ESCO1: variants seen among roughly 807,000 people sequenced by gnomAD.
ESCO1 encodes establishment of sister chromatid cohesion N-acetyltransferase 1.
ESCO1 carries 33 observed loss-of-function variants against 83.5 expected under a neutral mutation model. The observed-to-expected ratio is 0.40, with a 90% CI of 0.30 to 0.53. ESCO1 has a LOEUF of 0.53. Ranked by LOEUF, ESCO1 falls within the 20% of genes least tolerant of loss-of-function variation. The pLI is 0.63. For synonymous variants in ESCO1, 332 were observed against 324.3 expected (o/e 1.02, Z -0.25); for missense variants, 855 against 968.0 (o/e 0.88, Z 1.55).
At position 21,542,129 on chromosome 18, in the gene ESCO1, G is replaced by T. The variant is rs375811578; in HGVS notation, c.1954-2120C>A. 1.3e-4 allele frequency among the ~76,000 whole-genome samples: 20 copies of T among 152,152 alleles called. 1 individual carries two copies. Among genetic ancestry groups the T allele is most frequent in the African/African-American group, 4.8e-4 (20 of 41,510 alleles). ...CTTTAAGAAGCAAAGGCTGCAAAAG[G>T]ATACTTAGTATTGCTTAGATTTCTA... On this transcript the variant is annotated intron_variant, in intron 8 of 11. Coordinates refer to ENST00000269214, the MANE Select transcript of ESCO1 (RefSeq NM_052911.3).
At chr18:21,561,216 T>A (rs1011593136) in intron 7 of ESCO1, among the ~76,000 whole-genome samples, 5 of 152,210 alleles carry the variant, frequency 3.3e-5, no homozygotes, top group South Asian at 2.1e-4. Context: ...AACAATTTTT[T>A]AAAAACTGAC....
At chr18:21,564,372 T>G (rs2038230466) in intron 6 of ESCO1, 55 bp from the exon 7 acceptor site, 1 of 1,157,948 alleles carries the variant, frequency 8.6e-7, no homozygotes, top group Non-Finnish European at 1.2e-6. Flanking sequence ...TCACATCATT[T>G]GAAGGGGAAA....
chr18:21,530,314 T>C lies in ESCO1; in HGVS notation c.*29A>G. 5.9e-6 allele frequency: 9 copies of C among 1,517,588 alleles called. No individual in the cohort carries two copies. Among genetic ancestry groups the C allele is most frequent in the Non-Finnish European group, 7.9e-6 (9 of 1,134,000 alleles). The allele number at this position is 1,517,588 out of a possible 1,614,324, so 94.0% of individuals were successfully genotyped here. On this transcript the variant is annotated 3_prime_UTR_variant, in exon 12 of 12. Transcript: ENST00000269214. ...ACCAATCCATTCTCTTCAATAGATGTCTTCTAGTGGTGTAGGCAAGAATTT... is the reference window on the plus strand; with the variant it reads ...ACCAATCCATTCTCTTCAATAGATGCCTTCTAGTGGTGTAGGCAAGAATTT...
At chr18:21,556,845 C>A (rs945882239) in intron 8 of ESCO1, among the ~76,000 whole-genome samples, 1 of 152,072 alleles carries the variant, frequency 6.6e-6, no homozygotes, top group Non-Finnish European at 1.5e-5. Flanking sequence ...GGATTACAGG[C>A]GCGTGCCACC....
At chr18:21,549,152 C>G (rs930163780) in intron 8 of ESCO1, among the ~76,000 whole-genome samples, 1 of 152,098 alleles carries the variant, frequency 6.6e-6, no homozygotes, top group Non-Finnish European at 1.5e-5. Context: ...AAACCCTGCT[C>G]TAATTTTTGA....
intron 8 of ESCO1, among the ~76,000 whole-genome samples, chr18:21,545,424 T>C (rs1424294917): frequency 1.4e-5 from 2 of 146,588 alleles, no homozygotes; most frequent in Non-Finnish European, 3.0e-5. Flanking sequence ...AATACAAAAA[T>C]TAGCCAGGCT....
chr18:21,591,850 G>C (rs1703850359), intron 1 of ESCO1, among the ~76,000 whole-genome samples: 1 of 151,504 alleles, frequency 6.6e-6, no homozygotes, highest in Admixed American at 6.6e-5. Flanking sequence ...GGGTACTTGA[G>C]ATTAGGGAGT....
chr18:21,595,759 C>G (rs991113638), intron 1 of ESCO1, among the ~76,000 whole-genome samples: 1 of 149,644 alleles, frequency 6.7e-6, no homozygotes, highest in African/African-American at 2.5e-5. Context: ...GTCAGGAGAT[C>G]GAGACCATCC....
chr18:21,573,458 T>C lies in ESCO1; in HGVS notation c.1386A>G (p.Glu462=), dbSNP rs1003442380. ...CTACTGTAATATCATTAATTTTCAC[T>C]TCTTCAGAATTAATTTCTTTCATTT... ...QEKMKEINSE[E]VKINDITVEI... The change falls in exon 4 of 12, where the codon GAA becomes GAG. Residue 462 remains glutamate (E), a synonymous_variant. Coordinates refer to ENST00000269214, the MANE Select transcript of ESCO1 (RefSeq NM_052911.3). 1.2e-6 allele frequency: 2 copies of C among 1,612,048 alleles called. No homozygotes were observed. The highest frequency in any genetic ancestry group is 1.7e-6 in the Non-Finnish European group (2 of 1,179,568).
intron 1 of ESCO1, among the ~76,000 whole-genome samples, chr18:21,593,806 T>G (rs2038721269): frequency 2.0e-5 from 1 of 49,432 alleles, no homozygotes; most frequent in African/African-American, 7.4e-5. Context: ...CACAGGCACC[T>G]CCTTTAAAAA....
At chr18:21,550,881 G>A (rs2038036965) in intron 8 of ESCO1, among the ~76,000 whole-genome samples, 1 of 152,100 alleles carries the variant, frequency 6.6e-6, no homozygotes, top group Admixed American at 6.5e-5. Context: ...CGGAGGCCGA[G>A]ATGGGCGGAT....
intron 10 of ESCO1, among the ~76,000 whole-genome samples, chr18:21,534,091 C>T (rs1021473914): frequency 1.7e-4 from 26 of 152,190 alleles, no homozygotes; most frequent in African/African-American, 5.5e-4. Flanking sequence ...TTTTTAAACA[C>T]GTAGCTTAAC....
chr18:21,552,856 G>A (rs2038062380), intron 8 of ESCO1, among the ~76,000 whole-genome samples: 1 of 152,180 alleles, frequency 6.6e-6, no homozygotes, highest in Non-Finnish European at 1.5e-5. Flanking sequence ...AACATAAAAT[G>A]CAGAAATATA....
chr18:21,595,225 T>C (rs1472885054), intron 1 of ESCO1, among the ~76,000 whole-genome samples: 1 of 151,938 alleles, frequency 6.6e-6, no homozygotes, highest in Non-Finnish European at 1.5e-5. Context: ...AAATAGCTTA[T>C]GGAGAAATTA....
intron 8 of ESCO1, among the ~76,000 whole-genome samples, chr18:21,549,751 G>A (rs2038021585): frequency 6.6e-6 from 1 of 152,088 alleles, no homozygotes; most frequent in African/African-American, 2.4e-5. Flanking sequence ...TGGATTACCT[G>A]AGGTCAGGAG....
intron 6 of ESCO1, among the ~76,000 whole-genome samples, chr18:21,564,691 C>T (rs551225772): frequency 2.6e-5 from 4 of 151,908 alleles, no homozygotes; most frequent in South Asian, 4.2e-4. Flanking sequence ...CCACCGCGCC[C>T]GGCAAAAATA....
chr18:21,588,128 A>G (rs1390997997), intron 1 of ESCO1, among the ~76,000 whole-genome samples: 2 of 151,894 alleles, frequency 1.3e-5, no homozygotes, highest in African/African-American at 4.8e-5. Context: ...AAAACCCACA[A>G]GGTGGGTGGA....
chr18:21,554,429 G>A lies in ESCO1; in HGVS notation c.1953+6430C>T, dbSNP rs185118400. Among the ~76,000 whole-genome samples, 19 of 152,212 alleles carry A rather than the reference G, an allele frequency of 1.2e-4. No homozygotes were observed. The East Asian group carries it at 3.7e-3, about 29-fold the overall frequency. The stretch of plus-strand genomic sequence containing the variant: ...TAAACTGTGAAACATCCAGACAATG[G>A]AATATCACACAGCGCTAAAAAGAAA... On this transcript the variant is annotated intron_variant, in intron 8 of 11. Transcript: ENST00000269214.
At chr18:21,553,960 TA>T (rs1463789757) in intron 8 of ESCO1, among the ~76,000 whole-genome samples, 5 of 150,040 alleles carry the variant, frequency 3.3e-5, no homozygotes, top group African/African-American at 1.2e-4. Flanking sequence ...ATTGAAAAAT[TA>T]AAATTAAAAT....
Sources: allele counts gnomAD v4.1 joint callset (sites outside exome capture counted in the v4.1 genomes callset), GRCh38; gene constraint gnomAD v4.1.1; transcripts MANE v1.5; gene names NCBI Gene and HGNC (gene_info 2026-07-23, HGNC 2026-07-21).